The following CLEC16A variants were observed in gnomAD, a reference collection of about 807,000 sequenced individuals.
The protein encoded by CLEC16A is protein CLEC16A.
Under a neutral mutation model 109.5 loss-of-function variants are expected in CLEC16A, and 51 were observed. The observed-to-expected ratio is 0.47, with a 90% CI of 0.37 to 0.59. The LOEUF (loss-of-function observed/expected upper bound fraction) is 0.59, where lower values mean the gene tolerates loss of function less well. CLEC16A is among the 20% of genes least tolerant of loss of function. The pLI, the probability that CLEC16A is intolerant of heterozygous loss-of-function variation, is 0.00. For missense variants in CLEC16A, 1,339 were observed against 1,394.0 expected (o/e 0.96, Z 0.63); for synonymous variants, 673 against 564.2 (o/e 1.19, Z -2.73).
At chr16:11,177,852 C>CT (rs113715763) in intron 23 of CLEC16A, among the ~76,000 whole-genome samples, 3,170 of 139,832 alleles carry the variant, frequency 0.023, 101 homozygotes, top group African/African-American at 0.073. Context: ...ACAGAATTTC[C>CT]TTTTTTTTTT....
intron 1 of CLEC16A, 109 bp from the exon 2 acceptor site, chr16:10,957,673 A>C: frequency 8.8e-7 from 1 of 1,138,530 alleles, no homozygotes; most frequent in Non-Finnish European, 1.3e-6. Context: ...CATTACCCAA[A>C]CCTGAAAAAG....
chr16:10,978,647 G>C (rs561890238), intron 8 of CLEC16A, among the ~76,000 whole-genome samples: 5 of 151,958 alleles, frequency 3.3e-5, no homozygotes, highest in Non-Finnish European at 7.4e-5. Context: ...CTTATTTCCT[G>C]AGAGACAGAG....
chr16:10,974,414 G>C (rs2042943161), intron 7 of CLEC16A, among the ~76,000 whole-genome samples: 1 of 152,190 alleles, frequency 6.6e-6, no homozygotes, highest in Non-Finnish European at 1.5e-5. Context: ...TCCAGAGCAG[G>C]ATTTCTTTCC....
At chr16:11,031,843 C>T (rs919938948) in intron 13 of CLEC16A, among the ~76,000 whole-genome samples, 1 of 152,312 alleles carries the variant, frequency 6.6e-6, no homozygotes, top group Non-Finnish European at 1.5e-5. Flanking sequence ...CAGGAGAGGC[C>T]TCTTGGAGGC....
chr16:11,052,619 C>T (rs2048008168), intron 18 of CLEC16A, among the ~76,000 whole-genome samples: 1 of 152,188 alleles, frequency 6.6e-6, no homozygotes, highest in African/African-American at 2.4e-5. Context: ...TGACGCCTTC[C>T]TTCCATGTCC....
chr16:11,156,974 C>G, intron 22 of CLEC16A: 1 of 815,478 alleles, frequency 1.2e-6, no homozygotes, highest in South Asian at 1.9e-5. Flanking sequence ...CTTGGCAGCC[C>G]TCACAGGCAG....
intron 7 of CLEC16A, among the ~76,000 whole-genome samples, chr16:10,974,388 A>G (rs2042941623): frequency 6.6e-6 from 1 of 152,208 alleles, no homozygotes; most frequent in Non-Finnish European, 1.5e-5. Context: ...TTGTCCTCAA[A>G]GGGATGATTA....
chr16:10,957,709 T>C (rs1036369737), intron 1 of CLEC16A, 73 bp from the exon 2 acceptor site: 9 of 1,493,168 alleles, frequency 6.0e-6, no homozygotes, highest in Admixed American at 1.7e-5. Context: ...TCCAAAATAT[T>C]GCTAATGGTC....
chr16:11,055,138 A>C (rs2048143693), intron 18 of CLEC16A, among the ~76,000 whole-genome samples: 1 of 152,188 alleles, frequency 6.6e-6, no homozygotes, highest in African/African-American at 2.4e-5. Context: ...GGGGTGAAGA[A>C]ATGAGTGAGC....
At chr16:11,006,400 C>T (rs150510944) in intron 11 of CLEC16A, among the ~76,000 whole-genome samples, 4 of 152,352 alleles carry the variant, frequency 2.6e-5, no homozygotes, top group African/African-American at 7.2e-5. Flanking sequence ...TACTCCCCTT[C>T]TCTCTCAAGG....
At position 11,166,461 on chromosome 16, in the gene CLEC16A, C is replaced by T. The variant is rs761558397; in HGVS notation, c.2715C>T (p.Ser905=). Residue 905 remains serine (S), a synonymous_variant, in exon 23 of 24, where the codon AGC becomes AGT. Coordinates refer to ENST00000409790, the MANE Select transcript of CLEC16A (RefSeq NM_015226.3). ...SLSSQSPPSA[S]GSPSGSGSTS... ...CCTCACAGTCGCCACCCTCCGCCAGCGGGAGCCCCAGCGGCAGCGGGAGCA... is the reference window on the plus strand; with the variant it reads ...CCTCACAGTCGCCACCCTCCGCCAGTGGGAGCCCCAGCGGCAGCGGGAGCA... 10 of 1,607,904 alleles carry T rather than the reference C, an allele frequency of 6.2e-6. No homozygotes were observed. The highest frequency in any genetic ancestry group is 1.1e-5 in the South Asian group (1 of 90,990).
At chr16:11,148,546 G>A (rs141187666) in intron 22 of CLEC16A, among the ~76,000 whole-genome samples, 4,257 of 152,244 alleles carry the variant, frequency 0.028, 95 homozygotes, top group Non-Finnish European at 0.045. Flanking sequence ...TTATGCCAGG[G>A]AAATGGAGGC....
At chr16:11,097,048 T>G (rs1482579755) in intron 19 of CLEC16A, among the ~76,000 whole-genome samples, 1 of 152,192 alleles carries the variant, frequency 6.6e-6, no homozygotes, top group Non-Finnish European at 1.5e-5. Context: ...AGATTTAGTT[T>G]CCCAGTATCT....
At chr16:11,142,398 G>A (rs1436162399) in intron 22 of CLEC16A, among the ~76,000 whole-genome samples, 1 of 152,380 alleles carries the variant, frequency 6.6e-6, no homozygotes, top group East Asian at 1.9e-4. Context: ...GATCAAGCAG[G>A]CCTGGAGGTG....
intron 10 of CLEC16A, among the ~76,000 whole-genome samples, chr16:10,993,834 T>G (rs1181131712): frequency 6.6e-6 from 1 of 152,204 alleles, no homozygotes; most frequent in Non-Finnish European, 1.5e-5. Context: ...CCCACAAGCA[T>G]TCCCTCTTGA....
In CLEC16A at chr16:11,174,071, G is replaced by C; in HGVS notation, c.2807-4264G>C. On this transcript the variant is annotated intron_variant, in intron 23 of 23. Transcript: ENST00000409790. The surrounding 1 kb of genome is among the most constrained non-coding windows in gnomAD (Gnocchi z 4.7). ...CCCTCGTCAGTGCTCAGCGTCCGCT[G>C]CTGCTCAGTGTCCCCTCCATGTCGC... 4.7e-6 allele frequency: 2 copies of C among 422,062 alleles called. No individual in the cohort carries two copies. Among genetic ancestry groups the C allele is most frequent in the Non-Finnish European group, 1.0e-5 (2 of 200,544 alleles). 26.1% of individuals were successfully genotyped at this position (422,062 alleles called of 1,614,324 possible).
At chr16:11,023,180 A>T (rs995467407) in intron 12 of CLEC16A, among the ~76,000 whole-genome samples, 1 of 144,004 alleles carries the variant, frequency 6.9e-6, no homozygotes, top group Non-Finnish European at 1.5e-5. Context: ...TATTGTGTCT[A>T]TAATTTTGTA....
chr16:11,081,505 A>G (rs1234942687), intron 19 of CLEC16A, among the ~76,000 whole-genome samples: 2 of 151,814 alleles, frequency 1.3e-5, no homozygotes, highest in Non-Finnish European at 2.9e-5. Flanking sequence ...CGTCTCCCCA[A>G]GCTCTCCTTT....
intron 17 of CLEC16A, among the ~76,000 whole-genome samples, chr16:11,051,047 C>G (rs927347971): frequency 6.6e-6 from 1 of 152,182 alleles, no homozygotes; most frequent in African/African-American, 2.4e-5. Context: ...CCTCAAAAGC[C>G]CTTAGGTCAC....
Sources: gnomAD v4.1 joint callset for allele counts (sites outside exome capture counted in the v4.1 genomes callset) on GRCh38, gnomAD v4.1.1 for gene constraint, Gnocchi (gnomAD v3.1) non-coding constraint, MANE v1.5 for transcripts, NCBI Gene and HGNC (gene_info 2026-07-23, HGNC 2026-07-21) for gene names.